The following B3GALT1 variants were observed in gnomAD, a reference collection of about 807,000 sequenced individuals.
B3GALT1 encodes beta-1,3-galactosyltransferase 1.
Under a neutral mutation model 23.2 loss-of-function variants are expected in B3GALT1, and 10 were observed. The observed-to-expected ratio is 0.43, with a 90% confidence interval of 0.27 to 0.73. B3GALT1 has a LOEUF of 0.73. Ranked by LOEUF, B3GALT1 falls within the 30% of genes least tolerant of loss-of-function variation. The probability of loss-of-function intolerance (pLI) is 0.21; values close to 1 mark genes in which losing one functional copy is unlikely to be tolerated. For synonymous variants in B3GALT1, 156 were observed against 141.5 expected (o/e 1.10, Z -0.73); for missense variants, 299 against 405.4 (o/e 0.74, Z 2.25).
At chr2:167,641,211 C>G (rs1685647550) in intron 2 of B3GALT1, among the ~76,000 whole-genome samples, 1 of 152,162 alleles carries the variant, frequency 6.6e-6, no homozygotes, top group South Asian at 2.1e-4. Flanking sequence ...TAACCTCTAT[C>G]TATGTGGAAT....
At chr2:167,453,043 T>C (rs563538898) in intron 1 of B3GALT1, among the ~76,000 whole-genome samples, 2 of 152,326 alleles carry the variant, frequency 1.3e-5, no homozygotes, top group East Asian at 1.9e-4. Context: ...AAGTAAAGTA[T>C]ATATCTTTGT....
intron 2 of B3GALT1, among the ~76,000 whole-genome samples, chr2:167,525,845 C>T (rs1157140146): frequency 6.6e-6 from 1 of 151,552 alleles, no homozygotes; most frequent in Non-Finnish European, 1.5e-5. Context: ...AACTCCTCAG[C>T]TTAAGTCTTA....
At chr2:167,728,323 G>T (rs1181617542) in intron 3 of B3GALT1, among the ~76,000 whole-genome samples, 2 of 152,164 alleles carry the variant, frequency 1.3e-5, no homozygotes, top group Non-Finnish European at 2.9e-5. Context: ...GGAGGTGAAG[G>T]TTGCAGTGAG....
intron 2 of B3GALT1, among the ~76,000 whole-genome samples, chr2:167,571,736 T>C (rs1684296542): frequency 6.6e-6 from 1 of 151,922 alleles, no homozygotes; most frequent in South Asian, 2.1e-4. Flanking sequence ...TACCACTTTC[T>C]GTAGCACTTC....
At chr2:167,352,820 G>C (rs1697338979) in intron 1 of B3GALT1, among the ~76,000 whole-genome samples, 1 of 152,058 alleles carries the variant, frequency 6.6e-6, no homozygotes, top group Non-Finnish European at 1.5e-5. Flanking sequence ...GAGTGTCCCA[G>C]AGAATGGTGA....
At chr2:167,778,300 C>T (rs1688195342) in intron 3 of B3GALT1, among the ~76,000 whole-genome samples, 1 of 152,064 alleles carries the variant, frequency 6.6e-6, no homozygotes, top group Admixed American at 6.6e-5. Flanking sequence ...TTTCCTCCCC[C>T]TATTTCTCCC....
At chr2:167,840,662 C>A (rs1293042482) in intron 4 of B3GALT1, among the ~76,000 whole-genome samples, 1 of 151,462 alleles carries the variant, frequency 6.6e-6, no homozygotes, top group Non-Finnish European at 1.5e-5. Flanking sequence ...TTGACCCAGC[C>A]ATCCCATTAC....
chr2:167,425,073 C>A (rs761942206), intron 1 of B3GALT1, among the ~76,000 whole-genome samples: 2 of 152,222 alleles, frequency 1.3e-5, no homozygotes, highest in Non-Finnish European at 2.9e-5. Flanking sequence ...AAATCTACCC[C>A]ATTACCTCAT....
intron 2 of B3GALT1, among the ~76,000 whole-genome samples, chr2:167,494,951 G>C (rs1699761030): frequency 6.6e-6 from 1 of 152,132 alleles, no homozygotes; most frequent in Non-Finnish European, 1.5e-5. Flanking sequence ...ACTGATAAGG[G>C]AAAGATGACA....
At chr2:167,753,376 G>C (rs1277316322) in intron 3 of B3GALT1, among the ~76,000 whole-genome samples, 1 of 152,212 alleles carries the variant, frequency 6.6e-6, no homozygotes, top group Admixed American at 6.5e-5. Context: ...CTGACCAGCA[G>C]GTGAAACCCA....
At chr2:167,694,476 T>C (rs1686762058) in intron 3 of B3GALT1, among the ~76,000 whole-genome samples, 1 of 152,174 alleles carries the variant, frequency 6.6e-6, no homozygotes, top group South Asian at 2.1e-4. Context: ...CAATGTTTTC[T>C]ATCTAAAGAA....
At chr2:167,518,218 G>A (rs2105359366) in intron 2 of B3GALT1, among the ~76,000 whole-genome samples, 1 of 152,170 alleles carries the variant, frequency 6.6e-6, no homozygotes, top group East Asian at 1.9e-4. Context: ...ACCTGCAATT[G>A]TAATCTCATT....
chr2:167,370,147 T>C (rs777702238), intron 1 of B3GALT1, among the ~76,000 whole-genome samples: 4 of 152,230 alleles, frequency 2.6e-5, no homozygotes, highest in Non-Finnish European at 5.9e-5. Context: ...TTCTCATTGC[T>C]TGTATTATGA....
chr2:167,490,920 A>C (rs1397314450), intron 2 of B3GALT1, among the ~76,000 whole-genome samples: 2 of 152,170 alleles, frequency 1.3e-5, no homozygotes, highest in African/African-American at 4.8e-5. Flanking sequence ...TGTGTCAAGA[A>C]ACTTGAACTT....
intron 3 of B3GALT1, among the ~76,000 whole-genome samples, chr2:167,811,474 A>G (rs1033664082): frequency 2.6e-5 from 4 of 152,210 alleles, no homozygotes; most frequent in African/African-American, 7.2e-5. Flanking sequence ...TTTAGTGCTC[A>G]TCAATAAAAA....
chr2:167,583,973 C>G (rs1053782410), intron 2 of B3GALT1, among the ~76,000 whole-genome samples: 2 of 142,770 alleles, frequency 1.4e-5, no homozygotes, highest in African/African-American at 2.6e-5. Flanking sequence ...ACCAAATACC[C>G]AGCTGTCCAA....
intron 2 of B3GALT1, among the ~76,000 whole-genome samples, chr2:167,606,329 A>G (rs1053447919): frequency 1.3e-5 from 2 of 152,196 alleles, no homozygotes; most frequent in Non-Finnish European, 2.9e-5. Context: ...TATTATCACA[A>G]CTAAATTTAA....
chr2:167,627,679 T>C (rs1685370444), intron 2 of B3GALT1, among the ~76,000 whole-genome samples: 1 of 151,622 alleles, frequency 6.6e-6, no homozygotes, highest in African/African-American at 2.4e-5. Flanking sequence ...TTATTTTGGG[T>C]AAAGACCTGG....
intron 1 of B3GALT1, among the ~76,000 whole-genome samples, chr2:167,443,794 A>G (rs926925115): frequency 2.1e-4 from 32 of 152,204 alleles, no homozygotes; most frequent in African/African-American, 7.7e-4. Context: ...TTCTAAATAT[A>G]CAATCATGTC....
Sources: allele counts gnomAD v4.1 joint callset (sites outside exome capture counted in the v4.1 genomes callset), GRCh38; gene constraint gnomAD v4.1.1; transcripts MANE v1.5; gene names NCBI Gene and HGNC (gene_info 2026-07-23, HGNC 2026-07-21).